DNAH17: variants seen among roughly 807,000 people sequenced by gnomAD.
DNAH17 encodes dynein axonemal heavy chain 17, also known as axonemal beta dynein heavy chain 17.
A neutral mutation model predicts 485.6 loss-of-function variants in DNAH17; 376 were observed. That is an observed-to-expected ratio of 0.77 (90% CI 0.71 to 0.84). The LOEUF (loss-of-function observed/expected upper bound fraction) is 0.84, where lower values mean the gene tolerates loss of function less well. Ranked by LOEUF, DNAH17 falls within the 40% of genes least tolerant of loss-of-function variation. DNAH17 has a pLI of 0.00. For missense variants in DNAH17, 6,370 were observed against 5,839.3 expected, an observed-to-expected ratio of 1.09 and a Z score of -2.96; for synonymous variants, 3,031 against 2,405.9, an observed-to-expected ratio of 1.26 and a Z score of -7.60.
chr17:78,430,367 A>G (rs1324604915), intron 75 of DNAH17, among the ~76,000 whole-genome samples: 1 of 152,216 alleles, frequency 6.6e-6, no homozygotes, highest in African/African-American at 2.4e-5. Flanking sequence ...CCTGCCGCTC[A>G]CAGTCAGCTT....
intron 17 of DNAH17, among the ~76,000 whole-genome samples, chr17:78,542,295 C>T (rs2091616869): frequency 6.6e-6 from 1 of 151,954 alleles, no homozygotes; most frequent in South Asian, 2.1e-4. Context: ...TTACAGGTTC[C>T]TACCACTATA....
At chr17:78,472,740 C>T (rs1260835368) in intron 54 of DNAH17, 1 of 455,122 alleles carries the variant, frequency 2.2e-6, no homozygotes, top group Non-Finnish European at 4.4e-6. Flanking sequence ...CCCTCGCTGG[C>T]CCTGGTTTCC....
At chr17:78,507,395 G>C in intron 28 of DNAH17, 26 bp from the exon 29 acceptor site, 1 of 1,613,940 alleles carries the variant, frequency 6.2e-7, no homozygotes, top group Non-Finnish European at 8.5e-7. Flanking sequence ...GATCGCCAAG[G>C]CATTAGGGAT....
chr17:78,529,758 G>A (rs1157516313), intron 21 of DNAH17, 64 bp from the exon 22 acceptor site: 36 of 1,531,264 alleles, frequency 2.4e-5, no homozygotes, highest in Non-Finnish European at 4.5e-6. Flanking sequence ...TGATGGTACG[G>A]AGCCCCATGA....
intron 19 of DNAH17, among the ~76,000 whole-genome samples, chr17:78,534,997 C>T (rs1172924994): frequency 6.6e-6 from 1 of 152,178 alleles, no homozygotes; most frequent in Non-Finnish European, 1.5e-5. Flanking sequence ...CATTGTCTTC[C>T]ACAGCTTGGC....
At position 78,552,740 on chromosome 17, in the gene DNAH17, G is replaced by A. The variant is rs2091931642; in HGVS notation, c.2244C>T (p.Val748=). ...LIKSELEAID[V]KLLSAETTLF... ...ATGTCGTTTCAGCGCTCAATAACTT[G>A]ACATCAATTGCTTCCAGTTCTGACT... Residue 748 remains valine (V), a synonymous_variant, in exon 15 of 81, where the codon GTC becomes GTT. Coordinates refer to ENST00000389840, the MANE Select transcript of DNAH17 (RefSeq NM_173628.4). 7 of 1,613,712 alleles carry A rather than the reference G, an allele frequency of 4.3e-6. No homozygotes were observed. The highest frequency in any genetic ancestry group is 5.9e-6 in the Non-Finnish European group (7 of 1,179,804).
At chr17:78,461,489 A>C in intron 58 of DNAH17, 55 bp downstream of exon 58, 3 of 1,444,200 alleles carry the variant, frequency 2.1e-6, no homozygotes, top group Non-Finnish European at 2.7e-6. Context: ...GAAGCCCAGG[A>C]GGCCTGGCCA....
At chr17:78,437,521 G>A (rs2086887460) in intron 74 of DNAH17, 120 bp downstream of exon 74, 2 of 663,138 alleles carry the variant, frequency 3.0e-6, no homozygotes, top group Non-Finnish European at 5.0e-6. Context: ...GACAGGGGAA[G>A]CCCAGAGGGG....
At chr17:78,483,636 T>A (rs1568128255) in intron 48 of DNAH17, among the ~76,000 whole-genome samples, 1 of 60,570 alleles carries the variant, frequency 1.7e-5, no homozygotes, top group Non-Finnish European at 3.4e-5. Flanking sequence ...GTCTTGGAAA[T>A]AATAATAATA....
intron 36 of DNAH17, 58 bp downstream of exon 36, chr17:78,500,247 A>C: frequency 6.5e-7 from 1 of 1,532,552 alleles, no homozygotes; most frequent in Non-Finnish European, 8.8e-7. Context: ...ACAGGGTGCT[A>C]GGATCTGCTT....
rs751228675 is a variant in DNAH17, at chr17:78,537,514, A to G, written c.2677-33T>C. 7 of 1,605,042 alleles carry G rather than the reference A, an allele frequency of 4.4e-6. No homozygotes were observed. In the East Asian group the frequency reaches 1.6e-4, roughly 36 times the overall value. The stretch of plus-strand genomic sequence containing the variant: ...AGGGGTGGGGTTGGCAGTGGTCAAC[A>G]CCTCTGTCCTCCATCGGATGATTCT... On this transcript the variant is annotated intron_variant, in intron 18 of 80. Transcript: ENST00000389840.
At chr17:78,561,603 G>T (rs1472136634) in intron 12 of DNAH17, 112 bp downstream of exon 12, 1 of 1,310,472 alleles carries the variant, frequency 7.6e-7, no homozygotes, top group Non-Finnish European at 1.0e-6. Flanking sequence ...GCTCTGGGAG[G>T]TAACAGTCTG....
At chr17:78,460,031 G>A (rs777908303) in intron 59 of DNAH17, 30 bp from the exon 60 acceptor site, 10 of 1,610,342 alleles carry the variant, frequency 6.2e-6, no homozygotes, top group Middle Eastern at 2.1e-4. Flanking sequence ...TGGGTCCGAT[G>A]GGAGTTTGGA....
chr17:78,554,443 A>C (rs2091975977), intron 14 of DNAH17, among the ~76,000 whole-genome samples: 2 of 49,696 alleles, frequency 4.0e-5, no homozygotes, highest in Admixed American at 1.7e-4. Flanking sequence ...TCTCAAAAAA[A>C]AAAAAAAAAA....
In DNAH17 at chr17:78,506,851, GAGGA is replaced by G. The variant is rs768092334; in HGVS notation, c.4677-9_4677-6del. ...GCCTTTTCACAGATGGCCAAGCTGG[GAGGA>G]AGGAAGGAAGTAGAGGAGGCCGGTG... On this transcript the variant is annotated splice_region_variant and splice_polypyrimidine_tract_variant and intron_variant, in intron 29 of 80. Transcript: ENST00000389840. 6 of 1,613,944 alleles carry G rather than the reference GAGGA, an allele frequency of 3.7e-6. No homozygotes were observed. The East Asian group carries it at 6.7e-5, about 18-fold the overall frequency.
chr17:78,542,770 T>C (rs191830118), intron 17 of DNAH17, among the ~76,000 whole-genome samples: 3 of 152,210 alleles, frequency 2.0e-5, no homozygotes, highest in African/African-American at 7.2e-5. Context: ...GCGTGCATTA[T>C]CACATTCTAC....
chr17:78,504,702 A>G (rs2090427892), intron 31 of DNAH17, among the ~76,000 whole-genome samples: 1 of 152,130 alleles, frequency 6.6e-6, no homozygotes, highest in South Asian at 2.1e-4. Flanking sequence ...TGACGGCAGA[A>G]GGAGCCCGCC....
chr17:78,531,844 T>G (rs117001615), intron 20 of DNAH17, among the ~76,000 whole-genome samples: 1 of 152,204 alleles, frequency 6.6e-6, no homozygotes, highest in Non-Finnish European at 1.5e-5. Context: ...TCCATTTACA[T>G]TTGAGGTTAT....
chr17:78,451,687 G>GAGGAA lies in DNAH17; in HGVS notation c.10530-19_10530-15dup, dbSNP rs1463548484. ...ATCTTAATGTACCTGGCGGTTGGTG[G>GAGGAA]AGGAAAGGGTTAGTGGGCCTCCCAG... On this transcript the variant is annotated splice_polypyrimidine_tract_variant and intron_variant, in intron 65 of 80. Transcript: ENST00000389840. 1.3e-6 allele frequency: 2 copies of GAGGAA among 1,549,484 alleles called. No homozygotes were observed. Among genetic ancestry groups the GAGGAA allele is most frequent in the Non-Finnish European group, 1.7e-6 (2 of 1,147,136 alleles).
Sources: gnomAD v4.1 joint callset for allele counts (sites outside exome capture counted in the v4.1 genomes callset) on GRCh38, gnomAD v4.1.1 for gene constraint, MANE v1.5 for transcripts, NCBI Gene and HGNC (gene_info 2026-07-23, HGNC 2026-07-21) for gene names.